ZNF672: variants seen among roughly 807,000 people sequenced by gnomAD.
ZNF672 encodes the protein zinc finger protein 672.
For synonymous variants in ZNF672, 358 were observed against 305.6 expected, an observed-to-expected ratio of 1.17 and a Z score of -1.79; for missense variants, 733 against 701.1, an observed-to-expected ratio of 1.05 and a Z score of -0.51.
rs180780216 is a variant in ZNF672 at position 248,848,163 on chromosome 1, G to A, written c.889G>A (p.Asp297Asn). ...CGGCAAGGGTTTCGGGCAGCGCTCCGACCTGGTGGTGCACCAGCGCATCCA... is the reference window on the plus strand; with the variant it reads ...CGGCAAGGGTTTCGGGCAGCGCTCCAACCTGGTGGTGCACCAGCGCATCCA... ...TCGKGFGQRSDLVVHQRIHTG... is the reference protein window; with the variant it reads ...TCGKGFGQRSNLVVHQRIHTG... The change falls in exon 4 of 4, where the codon GAC becomes AAC. Residue 297 changes from aspartate (D) to asparagine (N), a missense_variant. By Grantham distance (23) the Asp-to-Asn change is conservative (BLOSUM62 1). Coordinates refer to ENST00000306562, the MANE Select transcript of ZNF672 (RefSeq NM_024836.3). The A allele has an allele frequency of 8.1e-4, 1,288 of 1,593,804 alleles. 1 individual carries two copies. Among genetic ancestry groups the A allele is most frequent in the Non-Finnish European group, 1.1e-3 (1,256 of 1,174,452 alleles).
intron 1 of ZNF672, among the ~76,000 whole-genome samples, chr1:248,840,560 A>G (rs564677831): frequency 2.2e-4 from 34 of 152,414 alleles, no homozygotes; most frequent in Admixed American, 7.2e-4. Context: ...TTGTATGTGC[A>G]GTGCACAGTG....
chr1:248,842,278 C>G (rs1664690510), intron 1 of ZNF672, among the ~76,000 whole-genome samples: 3 of 152,164 alleles, frequency 2.0e-5, no homozygotes. Flanking sequence ...ACAGGAATAA[C>G]AGTTCGCTCC....
Position 248,847,817 on chromosome 1 carries a change from C to G in ZNF672, c.543C>G (p.His181Gln). ...AFRSGAGLRS[H>Q]ARIHVSRSPT... ...GAAGCGGCGCCGGGCTGCGGAGTCA[C>G]GCGCGCATCCACGTGTCCCGGAGCC... Residue 181 changes from histidine (H) to glutamine (Q), a missense_variant, in exon 4 of 4, where the codon CAC (histidine) becomes CAG (glutamine). By Grantham distance (24) the His-to-Gln change is conservative. Transcript: ENST00000306562. The G allele has an allele frequency of 6.4e-7, 1 of 1,557,248 alleles. No individual in the cohort carries two copies. The highest frequency in any genetic ancestry group is 8.6e-7 in the Non-Finnish European group (1 of 1,156,090).
intron 2 of ZNF672, among the ~76,000 whole-genome samples, chr1:248,845,107 A>G (rs1343018199): frequency 6.6e-6 from 1 of 152,222 alleles, no homozygotes; most frequent in Non-Finnish European, 1.5e-5. Flanking sequence ...TACTAAAAAT[A>G]CAAAAATTAG....
intron 1 of ZNF672, chr1:248,839,248 GT>G (rs1439231764): frequency 6.6e-6 from 1 of 152,560 alleles, no homozygotes; most frequent in African/African-American, 2.4e-5. Flanking sequence ...ATTCTTAGGG[GT>G]TGAGGGGGAA....
At position 248,848,751 on chromosome 1, in the gene ZNF672, T is replaced by G; in HGVS notation, c.*118T>G. Reference sequence around the variant, plus strand: ...TTTGGGAAAAGACGATGTGGCCTCCTACCTTTCCAGTTTCTGTTGGCAGCC... The same window carrying G: ...TTTGGGAAAAGACGATGTGGCCTCCGACCTTTCCAGTTTCTGTTGGCAGCC... On this transcript the variant is annotated 3_prime_UTR_variant, in exon 4 of 4. Transcript: ENST00000306562. 1 of 1,396,818 alleles carries G rather than the reference T, an allele frequency of 7.2e-7. No homozygotes were observed. 86.5% of individuals were successfully genotyped at this position (1,396,818 alleles called of 1,614,324 possible).
Position 248,847,869 on chromosome 1 carries a change from C to A in ZNF672, c.595C>A (p.His199Asn). ...CACGCGACCCCGTGTCTCAGACGCC[C>A]ACCAGTGTGGCGTGTGCGGCAAGTG... Reference protein sequence around the residue: ...SPTRPRVSDAHQCGVCGKCFG... With the variant: ...SPTRPRVSDANQCGVCGKCFG... The change falls in exon 4 of 4, where the codon CAC (histidine) becomes AAC (asparagine). Residue 199 changes from histidine (H) to asparagine (N), a missense_variant. His to Asn is a moderately conservative substitution (Grantham distance 68). Coordinates refer to ENST00000306562, the MANE Select transcript of ZNF672 (RefSeq NM_024836.3). 1 of 1,588,314 alleles carries A rather than the reference C, an allele frequency of 6.3e-7. No homozygotes were observed. Among genetic ancestry groups the A allele is most frequent in the East Asian group, 2.3e-5 (1 of 43,612 alleles).
At position 248,847,780 on chromosome 1, in the gene ZNF672, C is replaced by T. The variant is rs780749068; in HGVS notation, c.506C>T (p.Pro169Leu). The change falls in exon 4 of 4, where the codon CCG becomes CTG. Residue 169 changes from proline to leucine, a missense_variant. By Grantham distance (98) the Pro-to-Leu change is moderately conservative. Transcript: ENST00000306562. ...CCACCCCACCGCTGCGCGCAGTGCC[C>T]GCGAGCCTTCCGAAGCGGCGCCGGG... ...AAPPHRCAQC[P>L]RAFRSGAGLR... The T allele has an allele frequency of 2.6e-6, 4 of 1,532,710 alleles. No individual in the cohort carries two copies. Among genetic ancestry groups the T allele is most frequent in the East Asian group, 2.4e-5 (1 of 40,912 alleles). The allele number at this position is 1,532,710 out of a possible 1,614,324, so 94.9% of individuals were successfully genotyped here. A position where few individuals can be genotyped will look rare whatever the true frequency, so the allele number is the denominator to read the frequency against.
intron 1 of ZNF672, among the ~76,000 whole-genome samples, chr1:248,842,553 T>C (rs1664696814): frequency 6.6e-6 from 1 of 151,934 alleles, no homozygotes; most frequent in South Asian, 2.1e-4. Context: ...GTGGCCTCTC[T>C]GAGAAAGGGT....
At position 248,847,594 on chromosome 1, in the gene ZNF672, G is replaced by T; in HGVS notation, c.320G>T (p.Arg107Leu). Residue 107 changes from arginine (R) to leucine (L), a missense_variant, in exon 4 of 4, where the codon CGC becomes CTC. Coordinates refer to ENST00000306562, the MANE Select transcript of ZNF672 (RefSeq NM_024836.3). Reference protein sequence around the residue: ...RTCPCRTCGRRFPHLPALLLH... With the variant: ...RTCPCRTCGRLFPHLPALLLH... ...TGCCCCTGCCGCACATGCGGCCGGC[G>T]CTTCCCGCACCTCCCGGCGCTGCTG... 2 of 1,550,708 alleles carry T rather than the reference G, an allele frequency of 1.3e-6. No individual in the cohort carries two copies. The highest frequency in any genetic ancestry group is 2.3e-5 in the South Asian group (2 of 85,660).
At chr1:248,841,152 A>C (rs74157330) in intron 1 of ZNF672, among the ~76,000 whole-genome samples, 3,239 of 152,274 alleles carry the variant, frequency 0.021, 116 homozygotes, top group African/African-American at 0.074. Context: ...ATTTGTATGC[A>C]GTGGGTAGTG....
chr1:248,848,456 A>T lies in ZNF672; in HGVS notation c.1182A>T (p.Pro394=), dbSNP rs775611179. The T allele has an allele frequency of 6.2e-7, 1 of 1,608,156 alleles. No homozygotes were observed. Residue 394 remains proline (P), a synonymous_variant, in exon 4 of 4, where the codon CCA becomes CCT. Transcript: ENST00000306562. ...GCAAGACGCACCTGGGCGAACGGCC[A>T]GCGGAGTGCGCAGAGTGCGGCAAGT... ...LHRKTHLGER[P]AECAECGKCF... is the part of the protein sequence containing the mutation.
chr1:248,847,161 C>T lies in ZNF672; in HGVS notation c.-114C>T. On this transcript the variant is annotated 5_prime_UTR_variant, in exon 4 of 4. Transcript: ENST00000306562. Reference sequence around the variant, plus strand: ...ACCAGTTTTTGCGGCCTCCCCCTTTCCTCTCTGTTACAGTGCCCTTTCCAG... The same window carrying T: ...ACCAGTTTTTGCGGCCTCCCCCTTTTCTCTCTGTTACAGTGCCCTTTCCAG... 7.1e-7 allele frequency: 1 copy of T among 1,399,626 alleles called. No individual in the cohort carries two copies. Among genetic ancestry groups the T allele is most frequent in the East Asian group, 2.5e-5 (1 of 39,834 alleles). The allele number at this position is 1,399,626 out of a possible 1,614,324, so 86.7% of individuals were successfully genotyped here.
At chr1:248,845,734 A>G (rs949839209) in intron 3 of ZNF672, 72 bp downstream of exon 3, 2 of 152,158 alleles carry the variant, frequency 1.3e-5, no homozygotes, top group South Asian at 2.1e-4. Context: ...ATTTTAACCA[A>G]AGTTCTGAGT....
intron 1 of ZNF672, among the ~76,000 whole-genome samples, chr1:248,843,811 G>A (rs545431755): frequency 2.5e-4 from 38 of 152,132 alleles, no homozygotes; most frequent in Non-Finnish European, 4.6e-4. Context: ...AGAGTATTTG[G>A]CTCTTACAAA....
chr1:248,845,586 C>A lies in ZNF672; in HGVS notation c.-300C>A, dbSNP rs1300250771. ...CACAGCACATCTTACTCCAGAGGCACAAGAGGAGGACATCCCATGCGGCTA... is the reference window on the plus strand; with the variant it reads ...CACAGCACATCTTACTCCAGAGGCAAAAGAGGAGGACATCCCATGCGGCTA... On this transcript the variant is annotated 5_prime_UTR_variant, in exon 3 of 4. Coordinates refer to ENST00000306562, the MANE Select transcript of ZNF672 (RefSeq NM_024836.3). 1.3e-5 allele frequency: 2 copies of A among 152,182 alleles called. No individual in the cohort carries two copies. Among genetic ancestry groups the A allele is most frequent in the Admixed American group, 6.5e-5 (1 of 15,274 alleles). The allele number at this position is 152,182 out of a possible 1,614,324, so 9.4% of individuals were successfully genotyped here.
At chr1:248,841,116 G>A (rs955961453) in intron 1 of ZNF672, among the ~76,000 whole-genome samples, 2 of 152,030 alleles carry the variant, frequency 1.3e-5, no homozygotes, top group Admixed American at 1.3e-4. Context: ...TAGTGCTGTG[G>A]AGGGTACGAT....
intron 3 of ZNF672, 131 bp from the exon 4 acceptor site, chr1:248,846,921 T>G: frequency 4.5e-6 from 1 of 224,302 alleles, no homozygotes; most frequent in Non-Finnish European, 8.9e-6. Flanking sequence ...GCCCATGGCT[T>G]TGCTTTGTCT....
At position 248,848,017 on chromosome 1, in the gene ZNF672, C is replaced by T. The variant is rs769742982; in HGVS notation, c.743C>T (p.Thr248Ile). 2 of 1,555,880 alleles carry T rather than the reference C, an allele frequency of 1.3e-6. No individual in the cohort carries two copies. The highest frequency in any genetic ancestry group is 8.7e-7 in the Non-Finnish European group (1 of 1,150,842). ...ESATLVRHQR[T>I]HTGEKPYACG... Reference sequence around the variant, plus strand: ...GCCACGCTGGTGCGCCACCAGCGCACACACACGGGCGAGAAGCCGTACGCA... The same window carrying T: ...GCCACGCTGGTGCGCCACCAGCGCATACACACGGGCGAGAAGCCGTACGCA... The change falls in exon 4 of 4, where the codon ACA becomes ATA. Residue 248 changes from threonine to isoleucine, a missense_variant. Thr to Ile is a moderately conservative substitution (Grantham distance 89). Coordinates refer to ENST00000306562, the MANE Select transcript of ZNF672 (RefSeq NM_024836.3).
Sources: allele counts gnomAD v4.1 joint callset (sites outside exome capture counted in the v4.1 genomes callset), GRCh38; gene constraint gnomAD v4.1.1; transcripts MANE v1.5; gene names NCBI Gene and HGNC (gene_info 2026-07-23, HGNC 2026-07-21).